UBE3B: variants seen among roughly 807,000 people sequenced by gnomAD.
UBE3B encodes the protein ubiquitin protein ligase E3B, also known as ubiquitin-protein ligase E3B.
In UBE3B, 80 loss-of-function variants were observed where a neutral mutation model predicts 132.3. The observed-to-expected ratio is 0.60, with a 90% CI of 0.50 to 0.73. UBE3B has a LOEUF of 0.73. Among genes scored for constraint, UBE3B ranks in the 30% least tolerant of loss-of-function variants. The pLI, the probability that UBE3B is intolerant of heterozygous loss-of-function variation, is 0.00. For missense variants in UBE3B, 1,196 were observed against 1,362.5 expected, an observed-to-expected ratio of 0.88 and a Z score of 1.92; for synonymous variants, 487 against 520.4, an observed-to-expected ratio of 0.94 and a Z score of 0.87.
At chr12:109,508,883 CT>C in intron 15 of UBE3B, 1 of 393,790 alleles carries the variant, frequency 2.5e-6, no homozygotes, top group Non-Finnish European at 3.5e-6. Flanking sequence ...TAGTATGTGT[CT>C]TAGATATCGA....
intron 6 of UBE3B, among the ~76,000 whole-genome samples, chr12:109,487,457 A>G (rs573796970): frequency 9.1e-4 from 139 of 152,314 alleles, no homozygotes; most frequent in South Asian, 2.1e-3. Context: ...ATTCCCAGCC[A>G]TCCCTCTTTG....
intron 15 of UBE3B, 49 bp from the exon 16 acceptor site, chr12:109,509,544 CTCT>C: frequency 1.6e-6 from 2 of 1,273,358 alleles, no homozygotes; most frequent in Admixed American, 4.7e-5. Flanking sequence ...GATTTTTTTT[CTCT>C]TCGCCTTTTT....
intron 19 of UBE3B, among the ~76,000 whole-genome samples, chr12:109,517,660 C>T (rs1881227457): frequency 1.3e-5 from 2 of 152,216 alleles, no homozygotes; most frequent in Admixed American, 1.3e-4. Context: ...GGTGACTGAG[C>T]CACAGTCCCC....
chr12:109,528,876 A>C (rs1051127690), intron 24 of UBE3B, among the ~76,000 whole-genome samples: 1 of 151,382 alleles, frequency 6.6e-6, no homozygotes, highest in Admixed American at 6.6e-5. Flanking sequence ...GAAAAAGAAA[A>C]GGCCAGGCGT....
chr12:109,497,857 G>T lies in UBE3B; in HGVS notation c.753G>T (p.Arg251=). The change falls in exon 10 of 28, where the codon CGG becomes CGT. Residue 251 remains arginine (R), a synonymous_variant. Transcript: ENST00000342494. The part of the protein sequence containing the change: ...IAAQFSDNLI[R]PFLIHIMSVP... ...CACAGTTCTCAGACAATCTGATTCGGCCGTTCCTCATCCACATCATGTCTG... is the reference window on the plus strand; with the variant it reads ...CACAGTTCTCAGACAATCTGATTCGTCCGTTCCTCATCCACATCATGTCTG... 1 of 1,614,112 alleles carries T rather than the reference G, an allele frequency of 6.2e-7. No homozygotes were observed. Among genetic ancestry groups the T allele is most frequent in the Non-Finnish European group, 8.5e-7 (1 of 1,180,028 alleles).
intron 6 of UBE3B, among the ~76,000 whole-genome samples, chr12:109,487,613 G>A (rs1444490513): frequency 1.3e-5 from 2 of 152,196 alleles, no homozygotes; most frequent in African/African-American, 2.4e-5. Flanking sequence ...CTACCTGCAC[G>A]CGAGCCAGGC....
Position 109,509,679 on chromosome 12 carries a change from C to A in UBE3B, c.1706C>A (p.Ser569Tyr), listed in dbSNP as rs772074081. 13 of 1,609,586 alleles carry A rather than the reference C, an allele frequency of 8.1e-6. No individual in the cohort carries two copies. Among genetic ancestry groups the A allele is most frequent in the East Asian group, 2.2e-5 (1 of 44,724 alleles). ...GTCACTATCTCCTCTTTCCTGAATT[C>A]TTTTGTGTTTAAGATGATCTGGGAT... is the stretch of plus-strand genomic sequence containing the variant. ...ELVTISSFLNSFVFKMIWDGI... is the reference protein window; with the variant it reads ...ELVTISSFLNYFVFKMIWDGI... The change falls in exon 16 of 28, where the codon TCT becomes TAT. Residue 569 changes from serine to tyrosine, a missense_variant. Physicochemically the swap from Ser to Tyr is moderately radical, Grantham distance 144. Coordinates refer to ENST00000342494, the MANE Select transcript of UBE3B (RefSeq NM_130466.4).
At position 109,521,674 on chromosome 12, in the gene UBE3B, A is replaced by G. The variant is rs1592955945; in HGVS notation, c.2364+123A>G. 1.5e-5 allele frequency: 13 copies of G among 890,094 alleles called. No individual in the cohort carries two copies. Among genetic ancestry groups the G allele is most frequent in the South Asian group, 4.8e-5 (2 of 41,876 alleles). 55.1% of individuals were successfully genotyped at this position (890,094 alleles called of 1,614,324 possible). ...CTGTCACTAGGATACAAGCGAGGACAGGGGCAGGAACCAAGGTTTGTTGTA... is the reference window on the plus strand; with the variant it reads ...CTGTCACTAGGATACAAGCGAGGACGGGGGCAGGAACCAAGGTTTGTTGTA... On this transcript the variant is annotated intron_variant, in intron 21 of 27. Coordinates refer to ENST00000342494, the MANE Select transcript of UBE3B (RefSeq NM_130466.4). This position sits in a 1 kb window ranked among gnomAD's most constrained non-coding sequence, Gnocchi z 4.2.
At position 109,524,115 on chromosome 12, in the gene UBE3B, G is replaced by A; in HGVS notation, c.2502G>A (p.Lys834=). 6.2e-7 allele frequency: 1 copy of A among 1,614,104 alleles called. No homozygotes were observed. Residue 834 remains lysine (K), a splice_region_variant and synonymous_variant, in exon 22 of 28, where the codon AAG becomes AAA. Transcript: ENST00000342494. ...TCTATAAAAACCTCACCTCCATCAA[G>A]GTGAGCATGGAATGGTGGGTGAGCT... ...SEFYKNLTSI[K]RYDGDITDLG...
chr12:109,515,727 T>A (rs185342768), intron 18 of UBE3B, among the ~76,000 whole-genome samples: 1 of 152,286 alleles, frequency 6.6e-6, no homozygotes, highest in Admixed American at 6.5e-5. Flanking sequence ...TTCCCATTTT[T>A]AAAAAAACAG....
chr12:109,489,323 G>A (rs950720545), intron 7 of UBE3B, among the ~76,000 whole-genome samples: 23 of 152,208 alleles, frequency 1.5e-4, no homozygotes, highest in Admixed American at 5.9e-4. Context: ...AAATGAGAGT[G>A]TCCAGTAGGG....
chr12:109,500,182 A>G (rs1046685129), intron 12 of UBE3B, among the ~76,000 whole-genome samples: 3 of 152,226 alleles, frequency 2.0e-5, no homozygotes, highest in Non-Finnish European at 4.4e-5. Flanking sequence ...CTAAAACAAG[A>G]CAAATGATTC....
At chr12:109,478,390 A>G (rs1178752287) in intron 1 of UBE3B, among the ~76,000 whole-genome samples, 3 of 152,206 alleles carry the variant, frequency 2.0e-5, no homozygotes, top group Non-Finnish European at 2.9e-5. Context: ...TTCAGATTCA[A>G]AAGCATCCAC....
chr12:109,480,774 G>A (rs1875247940), intron 1 of UBE3B, among the ~76,000 whole-genome samples: 1 of 152,148 alleles, frequency 6.6e-6, no homozygotes, highest in Admixed American at 6.5e-5. Flanking sequence ...TTCACCATGT[G>A]CATGCTGTGG....
At chr12:109,529,746 G>A (rs1486153724) in intron 24 of UBE3B, 144 bp from the exon 25 acceptor site, 11 of 933,510 alleles carry the variant, frequency 1.2e-5, no homozygotes, top group Non-Finnish European at 1.6e-5. Context: ...TGTCGCCATT[G>A]TCATTGTTCT....
downstream of UBE3B, among the ~76,000 whole-genome samples, chr12:109,541,249 A>G (rs537203310): frequency 3.9e-5 from 6 of 152,182 alleles, no homozygotes; most frequent in Non-Finnish European, 5.9e-5. Context: ...TCCCAGATAA[A>G]GAGGCCGCAG....
At chr12:109,533,395 A>G (rs1345382774) in intron 26 of UBE3B, 71 bp from the exon 27 acceptor site, 22 of 1,370,878 alleles carry the variant, frequency 1.6e-5, no homozygotes, top group Non-Finnish European at 2.2e-5. Flanking sequence ...CACGTGCTAC[A>G]CAGCTGCAAG....
chr12:109,514,307 G>C (rs1180700708), intron 18 of UBE3B, among the ~76,000 whole-genome samples: 1 of 152,214 alleles, frequency 6.6e-6, no homozygotes, highest in Non-Finnish European at 1.5e-5. Flanking sequence ...CACCAACTGT[G>C]TAGCCTTGGG....
chr12:109,503,850 A>G (rs924369793), intron 14 of UBE3B, among the ~76,000 whole-genome samples: 2 of 152,242 alleles, frequency 1.3e-5, no homozygotes, highest in Non-Finnish European at 2.9e-5. Context: ...CTTTTATTAC[A>G]TGAAGGATTA....
Sources: gnomAD v4.1 joint callset for allele counts (sites outside exome capture counted in the v4.1 genomes callset) on GRCh38, gnomAD v4.1.1 for gene constraint, Gnocchi (gnomAD v3.1) non-coding constraint, MANE v1.5 for transcripts, NCBI Gene and HGNC (gene_info 2026-07-23, HGNC 2026-07-21) for gene names.